HS6ST2: variants seen among roughly 807,000 people sequenced by gnomAD.
HS6ST2 encodes the protein heparan sulfate 6-O-sulfotransferase 2.
A neutral mutation model predicts 33.0 loss-of-function variants in HS6ST2; 17 were observed. The observed-to-expected ratio is 0.52, with a 90% CI of 0.35 to 0.77. HS6ST2 has a LOEUF of 0.77. HS6ST2 is among the 30% of genes least tolerant of loss of function. The pLI is 0.01. For synonymous variants in HS6ST2, 248 were observed against 237.1 expected, an observed-to-expected ratio of 1.05 and a Z score of -0.42; for missense variants, 519 against 551.7, an observed-to-expected ratio of 0.94 and a Z score of 0.59.
intron 2 of HS6ST2, among the ~76,000 whole-genome samples, chrX:132,939,751 A>T (rs2066868217): frequency 8.9e-6 from 1 of 112,509 alleles, no homozygotes; most frequent in Non-Finnish European, 1.9e-5. Context: ...AATAAATTCA[A>T]AACTTACAAT....
intron 2 of HS6ST2, among the ~76,000 whole-genome samples, chrX:132,917,599 A>C (rs769029956): frequency 9.0e-6 from 1 of 111,190 alleles, no homozygotes; most frequent in East Asian, 2.9e-4. Flanking sequence ...TCTCAAAAAA[A>C]AAAAAAAGAC....
At chrX:132,943,805 A>G (rs1194818616) in intron 2 of HS6ST2, among the ~76,000 whole-genome samples, 1 of 111,837 alleles carries the variant, frequency 8.9e-6, no homozygotes, top group Non-Finnish European at 1.9e-5. Flanking sequence ...ACAAAATTCA[A>G]TAGCCCTTCA....
At chrX:132,874,303 C>T (rs2066089745) in intron 2 of HS6ST2, among the ~76,000 whole-genome samples, 1 of 112,721 alleles carries the variant, frequency 8.9e-6, no homozygotes, top group South Asian at 3.7e-4. Flanking sequence ...TCCGGCTGGG[C>T]ATGGTGGCTC....
At chrX:132,637,616 T>C (rs1469999460) in intron 4 of HS6ST2, among the ~76,000 whole-genome samples, 1 of 101,779 alleles carries the variant, frequency 9.8e-6, no homozygotes, top group Non-Finnish European at 2.0e-5. Context: ...AGAAAACCCG[T>C]AGCAGTTAAG....
intron 2 of HS6ST2, among the ~76,000 whole-genome samples, chrX:132,882,526 C>A (rs1354072126): frequency 9.6e-6 from 1 of 104,232 alleles, no homozygotes; most frequent in Non-Finnish European, 2.0e-5. Context: ...ACATTTTGGG[C>A]TGAGACGATG....
At position 132,677,673 on chromosome X, in the gene HS6ST2, T is replaced by C. The variant is rs981308272; in HGVS notation, c.981-8474A>G. Among the ~76,000 whole-genome samples the C allele has an allele frequency of 3.6e-5, 4 of 112,447 alleles. No individual in the cohort carries two copies. In the Middle Eastern group the frequency reaches 0.018, roughly 518 times the overall value. ...TAACTCACACTTTATGACTAAAAAGTGACAGCCTATTGCAGAAGTATTTCT... is the reference window on the plus strand; with the variant it reads ...TAACTCACACTTTATGACTAAAAAGCGACAGCCTATTGCAGAAGTATTTCT... On this transcript the variant is annotated intron_variant, in intron 3 of 4. Coordinates refer to ENST00000370833, the MANE Select transcript of HS6ST2 (RefSeq NM_001394073.1).
chrX:132,724,167 GAAAAGAAA>G, intron 2 of HS6ST2, among the ~76,000 whole-genome samples: 2 of 97,598 alleles, frequency 2.0e-5, no homozygotes, highest in Non-Finnish European at 4.4e-5. Flanking sequence ...GAAAAGAAAA[GAAAAGAAA>G]GAAACAAATG....
At chrX:132,714,418 T>C (rs920700672) in intron 2 of HS6ST2, among the ~76,000 whole-genome samples, 1 of 110,795 alleles carries the variant, frequency 9.0e-6, no homozygotes, top group Non-Finnish European at 1.9e-5. Context: ...GATCAAGCGA[T>C]TCTCCTGCCT....
intron 4 of HS6ST2, among the ~76,000 whole-genome samples, chrX:132,644,937 G>A (rs895341491): frequency 1.8e-5 from 2 of 111,218 alleles, no homozygotes; most frequent in African/African-American, 3.3e-5. Flanking sequence ...AAGGGTAAAG[G>A]AGGCCCCTTC....
intron 2 of HS6ST2, among the ~76,000 whole-genome samples, chrX:132,712,599 G>T (rs904464904): frequency 8.9e-6 from 1 of 112,016 alleles, no homozygotes; most frequent in Non-Finnish European, 1.9e-5. Flanking sequence ...ACAGTCCTGA[G>T]AGGTGGTGTG....
intron 2 of HS6ST2, among the ~76,000 whole-genome samples, chrX:132,712,501 TG>T (rs2064240433): frequency 8.9e-6 from 1 of 111,987 alleles, no homozygotes; most frequent in African/African-American, 3.3e-5. Context: ...AGGGCCTGGG[TG>T]TTTCTTAAGG....
intron 2 of HS6ST2, among the ~76,000 whole-genome samples, chrX:132,816,381 G>C (rs767819152): frequency 1.8e-5 from 2 of 111,964 alleles, no homozygotes; most frequent in Admixed American, 1.9e-4. Context: ...GATTAAACTA[G>C]TCCCCAAGAT....
At chrX:132,725,188 A>G (rs891736034) in intron 2 of HS6ST2, among the ~76,000 whole-genome samples, 1 of 111,196 alleles carries the variant, frequency 9.0e-6, no homozygotes, top group South Asian at 3.8e-4. Flanking sequence ...AGAGCAAAGG[A>G]TATAATAAAT....
intron 2 of HS6ST2, among the ~76,000 whole-genome samples, chrX:132,884,616 A>T (rs2066227222): frequency 8.9e-6 from 1 of 112,225 alleles, no homozygotes; most frequent in Non-Finnish European, 1.9e-5. Flanking sequence ...GACTGGTAGG[A>T]ATGTGGAAGA....
intron 2 of HS6ST2, among the ~76,000 whole-genome samples, chrX:132,805,373 C>T (rs1331117204): frequency 2.7e-5 from 3 of 111,301 alleles, no homozygotes; most frequent in African/African-American, 9.8e-5. Flanking sequence ...GGAGAAGTCT[C>T]GGGTCTGAGA....
At chrX:132,752,466 C>T (rs1025122129) in intron 2 of HS6ST2, among the ~76,000 whole-genome samples, 8 of 72,859 alleles carry the variant, frequency 1.1e-4, no homozygotes, top group Middle Eastern at 8.8e-3. Context: ...AGTGAGACTC[C>T]GTCTCAAAAA....
chrX:132,778,097 C>T (rs866000220), intron 2 of HS6ST2, among the ~76,000 whole-genome samples: 1 of 112,032 alleles, frequency 8.9e-6, no homozygotes, highest in East Asian at 2.8e-4. Flanking sequence ...ATACATTTTC[C>T]CATGAAAATA....
chrX:132,676,227 G>A (rs746178317), intron 3 of HS6ST2, among the ~76,000 whole-genome samples: 2 of 112,433 alleles, frequency 1.8e-5, no homozygotes, highest in Admixed American at 9.4e-5. Context: ...AATATTGAAT[G>A]TGTTTACTCT....
intron 2 of HS6ST2, among the ~76,000 whole-genome samples, chrX:132,855,342 C>T (rs1602752741): frequency 8.9e-6 from 1 of 112,095 alleles, no homozygotes; most frequent in Non-Finnish European, 1.9e-5. Flanking sequence ...GGCATTATGC[C>T]TATTTTAAGA....
Sources: allele counts gnomAD v4.1 joint callset (sites outside exome capture counted in the v4.1 genomes callset), GRCh38; gene constraint gnomAD v4.1.1; transcripts MANE v1.5; gene names NCBI Gene and HGNC (gene_info 2026-07-23, HGNC 2026-07-21).